KCNN3: variants seen among roughly 807,000 people sequenced by gnomAD.
The protein encoded by KCNN3 is small conductance calcium-activated potassium channel protein 3.
KCNN3 carries 16 observed loss-of-function variants against 62.9 expected under a neutral mutation model. That is an observed-to-expected ratio of 0.25 (90% CI 0.17 to 0.39). The LOEUF (loss-of-function observed/expected upper bound fraction) is 0.39, where lower values mean the gene tolerates loss of function less well. Among genes scored for constraint, KCNN3 ranks in the 10% least tolerant of loss-of-function variants. KCNN3 has a pLI of 1.00. For missense variants in KCNN3, 599 were observed against 949.4 expected (o/e 0.63, Z 4.85); for synonymous variants, 370 against 389.2 (o/e 0.95, Z 0.58).
At chr1:154,767,558 A>G (rs1024656277) in intron 3 of KCNN3, among the ~76,000 whole-genome samples, 1 of 152,232 alleles carries the variant, frequency 6.6e-6, no homozygotes, top group African/African-American at 2.4e-5. Context: ...AAGGCACGCT[A>G]GGAAGGCTGG....
intron 3 of KCNN3, among the ~76,000 whole-genome samples, chr1:154,766,416 T>TCATATATATATATATATATATATATA (rs1553231981): frequency 1.4e-5 from 1 of 71,812 alleles, no homozygotes; most frequent in African/African-American, 5.1e-5. Context: ...TAGCCAGGCT[T>TCATATATATATATATATATATATATA]TATATATATA....
At chr1:154,825,421 A>G in intron 1 of KCNN3, among the ~76,000 whole-genome samples, 1 of 142,622 alleles carries the variant, frequency 7.0e-6, no homozygotes, top group East Asian at 2.1e-4. Context: ...ACTGGAGTGC[A>G]GTGGCACGAT....
intron 1 of KCNN3, among the ~76,000 whole-genome samples, chr1:154,851,827 C>G (rs1175001075): frequency 1.3e-5 from 2 of 152,196 alleles, no homozygotes; most frequent in Non-Finnish European, 2.9e-5. Flanking sequence ...AGAGTGGTCC[C>G]ATTAAAATGT....
At chr1:154,796,312 T>C (rs1649734240) in intron 2 of KCNN3, among the ~76,000 whole-genome samples, 1 of 152,178 alleles carries the variant, frequency 6.6e-6, no homozygotes, top group Non-Finnish European at 1.5e-5. Flanking sequence ...ATCTGAATTC[T>C]TGCCCCTCCC....
chr1:154,835,220 G>A (rs777261955), intron 1 of KCNN3, among the ~76,000 whole-genome samples: 20 of 152,234 alleles, frequency 1.3e-4, no homozygotes, highest in Admixed American at 3.9e-4. Context: ...AGAGGGTGGC[G>A]ATACATTCGG....
At chr1:154,773,920 G>T (rs1167166214) in intron 2 of KCNN3, among the ~76,000 whole-genome samples, 1 of 152,224 alleles carries the variant, frequency 6.6e-6, no homozygotes, top group African/African-American at 2.4e-5. Context: ...GCAAGTGTTT[G>T]CTGGCAGCAC....
chr1:154,830,764 G>A (rs1651348945), intron 1 of KCNN3, among the ~76,000 whole-genome samples: 1 of 152,082 alleles, frequency 6.6e-6, no homozygotes, highest in Non-Finnish European at 1.5e-5. Context: ...TTTTAGTGAA[G>A]CCAGCATGAT....
At chr1:154,767,845 G>A (rs142021982) in intron 3 of KCNN3, among the ~76,000 whole-genome samples, 4 of 152,322 alleles carry the variant, frequency 2.6e-5, no homozygotes, top group East Asian at 1.9e-4. Flanking sequence ...GCTGTTCTGC[G>A]TAATTATGAT....
intron 4 of KCNN3, among the ~76,000 whole-genome samples, chr1:154,731,886 C>A (rs1021587362): frequency 4.6e-5 from 7 of 152,150 alleles, no homozygotes; most frequent in Non-Finnish European, 2.9e-5. Flanking sequence ...GCCTCAGTTT[C>A]CTCCTCTGAA....
intron 3 of KCNN3, among the ~76,000 whole-genome samples, chr1:154,743,918 G>A (rs945099171): frequency 2.6e-5 from 4 of 152,168 alleles, no homozygotes; most frequent in Middle Eastern, 3.4e-3. Context: ...CATAAGTCAC[G>A]GGACATCTCT....
In KCNN3 at chr1:154,809,196, C is replaced by G. The variant is rs577917439; in HGVS notation, c.1029+12893G>C. Reference sequence around the variant, plus strand: ...GAGTGACCAGGTGTACGGCTTCACCCGTCCATTTCACAGACTCAACACTCA... The same window carrying G: ...GAGTGACCAGGTGTACGGCTTCACCGGTCCATTTCACAGACTCAACACTCA... On this transcript the variant is annotated intron_variant, in intron 2 of 7. Transcript: ENST00000271915. This position sits in a 1 kb window ranked among gnomAD's most constrained non-coding sequence, Gnocchi z 4.3. Among the ~76,000 whole-genome samples, 1 of 152,186 alleles carries G rather than the reference C, an allele frequency of 6.6e-6. No individual in the cohort carries two copies. The highest frequency in any genetic ancestry group is 2.4e-5 in the African/African-American group (1 of 41,424).
At position 154,708,258 on chromosome 1, in the gene KCNN3, C is replaced by G. The variant is rs950244144; in HGVS notation, c.1914G>C (p.Met638Ile). The change falls in exon 8 of 8, where the codon ATG (methionine) becomes ATC (isoleucine). Residue 638 changes from methionine (M) to isoleucine (I), a missense_variant. Met to Ile is a conservative substitution (Grantham distance 10). Around this residue, in one of 7 missense-constraint regions of KCNN3, gnomAD observed 288 missense variants for 557.4 expected, o/e 0.52. Coordinates refer to ENST00000271915, the MANE Select transcript of KCNN3 (RefSeq NM_002249.6). ...CATTGAGTTCTGTGATTAAGTCATA[C>G]ATGACATTCTGCATCTGTGTGGAGA... ...LVDLSKMQNV[M>I]YDLITELNDR... 1.2e-5 allele frequency: 19 copies of G among 1,613,432 alleles called. No homozygotes were observed. Among genetic ancestry groups the G allele is most frequent in the Non-Finnish European group, 1.6e-5 (19 of 1,179,902 alleles).
intron 7 of KCNN3, among the ~76,000 whole-genome samples, chr1:154,713,194 G>T (rs1700114181): frequency 6.6e-6 from 1 of 152,144 alleles, no homozygotes; most frequent in Admixed American, 6.6e-5. Context: ...ACACGGAAAA[G>T]GTTTAGTCAG....
chr1:154,859,635 G>A (rs1365451636), intron 1 of KCNN3: 11 of 1,541,704 alleles, frequency 7.1e-6, no homozygotes, highest in Non-Finnish European at 9.9e-6. Flanking sequence ...GCTCAAGCCA[G>A]GCAACAGGTC....
intron 3 of KCNN3, among the ~76,000 whole-genome samples, chr1:154,751,401 T>G (rs138121054): frequency 1.8e-4 from 28 of 152,328 alleles, no homozygotes; most frequent in African/African-American, 5.1e-4. Context: ...AGGAGGCCTG[T>G]GGCATCCCGT....
intron 1 of KCNN3, among the ~76,000 whole-genome samples, chr1:154,826,394 T>C (rs1230018427): frequency 6.6e-6 from 1 of 152,214 alleles, no homozygotes; most frequent in Non-Finnish European, 1.5e-5. Context: ...CATGCAAGGA[T>C]GGCATTGTCA....
chr1:154,854,124 A>G (rs1443422244), intron 1 of KCNN3, among the ~76,000 whole-genome samples: 1 of 151,680 alleles, frequency 6.6e-6, no homozygotes, highest in Non-Finnish European at 1.5e-5. Context: ...GGTCCCAGCT[A>G]CTCGGGAGGC....
intron 1 of KCNN3, among the ~76,000 whole-genome samples, chr1:154,822,793 A>G (rs1336792134): frequency 2.0e-5 from 3 of 152,210 alleles, no homozygotes; most frequent in Non-Finnish European, 4.4e-5. Flanking sequence ...GGGTCCTGGC[A>G]GGAGAAGTAC....
intron 2 of KCNN3, among the ~76,000 whole-genome samples, chr1:154,778,565 C>CCAATCAA (rs1648884932): frequency 6.6e-6 from 1 of 151,446 alleles, no homozygotes; most frequent in South Asian, 2.1e-4. Flanking sequence ...TGCCTCTCTT[C>CCAATCAA]CAATCAAGAA....
Sources: gnomAD v4.1 joint callset for allele counts (sites outside exome capture counted in the v4.1 genomes callset) on GRCh38, gnomAD v4.1.1 for gene constraint, gnomAD v4.1.1 regional missense constraint, Gnocchi (gnomAD v3.1) non-coding constraint, MANE v1.5 for transcripts, NCBI Gene and HGNC (gene_info 2026-07-23, HGNC 2026-07-21) for gene names.